CAMK1D: variants seen among roughly 807,000 people sequenced by gnomAD.
CAMK1D encodes calcium/calmodulin dependent protein kinase ID.
CAMK1D carries 9 observed loss-of-function variants against 47.7 expected under a neutral mutation model. The ratio of observed to expected loss-of-function variants is 0.19; its 90% CI spans 0.11 to 0.33. CAMK1D has a LOEUF of 0.33. CAMK1D is among the 10% of genes least tolerant of loss of function. The pLI is 1.00. For missense variants in CAMK1D, 291 were observed against 488.7 expected, an observed-to-expected ratio of 0.60 and a Z score of 3.81; for synonymous variants, 184 against 184.9, an observed-to-expected ratio of 0.99 and a Z score of 0.04.
chr10:12,473,148 A>G (rs941909968), intron 1 of CAMK1D, among the ~76,000 whole-genome samples: 1 of 152,182 alleles, frequency 6.6e-6, no homozygotes, highest in African/African-American at 2.4e-5. Context: ...CAGAAGCTGT[A>G]GGCACAGACA....
intron 2 of CAMK1D, among the ~76,000 whole-genome samples, chr10:12,655,112 T>C (rs1212513194): frequency 6.6e-6 from 1 of 151,574 alleles, no homozygotes; most frequent in African/African-American, 2.4e-5. Flanking sequence ...GGAAAAGAGG[T>C]TTAATTGGCT....
intron 3 of CAMK1D, among the ~76,000 whole-genome samples, chr10:12,757,234 A>G (rs1318644305): frequency 1.3e-5 from 2 of 152,082 alleles, no homozygotes; most frequent in Non-Finnish European, 2.9e-5. Flanking sequence ...CGGCCTCCCA[A>G]AGTGCTGGGA....
At chr10:12,698,674 T>TTTTTTG (rs1491230426) in intron 3 of CAMK1D, among the ~76,000 whole-genome samples, 4 of 5,892 alleles carry the variant, frequency 6.8e-4, no homozygotes, top group Non-Finnish European at 1.3e-3. Context: ...CTTTAAAGAA[T>TTTTTTG]TTTTTTTTTT....
intron 4 of CAMK1D, among the ~76,000 whole-genome samples, chr10:12,765,233 A>C (rs552330325): frequency 6.6e-6 from 1 of 152,330 alleles, no homozygotes; most frequent in African/African-American, 2.4e-5. Context: ...GAAGGATAGT[A>C]TTTATTCTTT....
At chr10:12,797,207 T>G (rs1037007892) in intron 6 of CAMK1D, among the ~76,000 whole-genome samples, 1 of 151,258 alleles carries the variant, frequency 6.6e-6, no homozygotes, top group Non-Finnish European at 1.5e-5. Context: ...TTTTTTTTTT[T>G]TTTTGTTTAG....
intron 3 of CAMK1D, among the ~76,000 whole-genome samples, chr10:12,699,612 G>C (rs1833431099): frequency 6.6e-6 from 1 of 150,984 alleles, no homozygotes; most frequent in Non-Finnish European, 1.5e-5. Flanking sequence ...TGCTTCTGCT[G>C]TTAATCATTA....
chr10:12,796,730 C>G lies in CAMK1D; in HGVS notation c.641+5497C>G, dbSNP rs372834342. Among the ~76,000 whole-genome samples, 190 of 152,228 alleles carry G rather than the reference C, an allele frequency of 1.2e-3. 3 individuals carry two copies. The highest frequency in any genetic ancestry group is 4.4e-3 in the African/African-American group (183 of 41,542). On this transcript the variant is annotated intron_variant, in intron 6 of 10. Coordinates refer to ENST00000619168, the MANE Select transcript of CAMK1D (RefSeq NM_153498.4). ...GTGGCCAGCGGGCAACAGTCGCCTG[C>G]TTATATTCATGAGCTTTGTGAGGTG...
intron 1 of CAMK1D, among the ~76,000 whole-genome samples, chr10:12,370,303 G>C (rs1228037163): frequency 4.0e-5 from 6 of 151,854 alleles, no homozygotes; most frequent in Admixed American, 6.6e-5. Context: ...ACAATTATGT[G>C]CAGCACCTAA....
chr10:12,603,377 G>A (rs978909920), intron 2 of CAMK1D, among the ~76,000 whole-genome samples: 2 of 151,982 alleles, frequency 1.3e-5, no homozygotes, highest in African/African-American at 4.8e-5. Context: ...GGTCAACCCC[G>A]CCTCCCACCC....
intron 1 of CAMK1D, among the ~76,000 whole-genome samples, chr10:12,529,490 T>C (rs1175585370): frequency 6.6e-6 from 1 of 152,182 alleles, no homozygotes; most frequent in Non-Finnish European, 1.5e-5. Context: ...TTCTGGCAAA[T>C]TGGGACAAAG....
chr10:12,665,598 A>T (rs1209636425), intron 2 of CAMK1D, among the ~76,000 whole-genome samples: 2 of 152,256 alleles, frequency 1.3e-5, no homozygotes, highest in African/African-American at 4.8e-5. Flanking sequence ...CATTTCAATG[A>T]GAGGCTTATG....
At chr10:12,593,801 A>G (rs1453205262) in intron 2 of CAMK1D, among the ~76,000 whole-genome samples, 1 of 152,050 alleles carries the variant, frequency 6.6e-6, no homozygotes, top group East Asian at 1.9e-4. Context: ...TGTCCTCCCA[A>G]GCTTGGGCCA....
At chr10:12,428,505 C>T (rs1389552604) in intron 1 of CAMK1D, among the ~76,000 whole-genome samples, 1 of 152,180 alleles carries the variant, frequency 6.6e-6, no homozygotes, top group African/African-American at 2.4e-5. Flanking sequence ...GTCTGAGACA[C>T]CACCTTCTCT....
chr10:12,368,140 C>T (rs575555317), intron 1 of CAMK1D, among the ~76,000 whole-genome samples: 4 of 149,862 alleles, frequency 2.7e-5, no homozygotes, highest in South Asian at 2.1e-4. Flanking sequence ...TGCAGTGAGC[C>T]GAGATTGCGC....
intron 1 of CAMK1D, among the ~76,000 whole-genome samples, chr10:12,450,619 T>C (rs1833055713): frequency 6.6e-6 from 1 of 152,244 alleles, no homozygotes; most frequent in Non-Finnish European, 1.5e-5. Flanking sequence ...ACTTGTGTAC[T>C]GGCCAGAGAG....
chr10:12,693,798 A>C, intron 3 of CAMK1D, among the ~76,000 whole-genome samples: 1 of 146,686 alleles, frequency 6.8e-6, no homozygotes, highest in Admixed American at 7.2e-5. Context: ...TCCTCGATTC[A>C]CTTGAGCTCA....
intron 2 of CAMK1D, among the ~76,000 whole-genome samples, chr10:12,600,773 C>T (rs1001203961): frequency 2.0e-5 from 3 of 152,214 alleles, no homozygotes; most frequent in African/African-American, 4.8e-5. Flanking sequence ...CCCTCATGCC[C>T]TCCCATTCTT....
At chr10:12,546,098 C>G (rs1381371417) in intron 1 of CAMK1D, among the ~76,000 whole-genome samples, 2 of 152,152 alleles carry the variant, frequency 1.3e-5, no homozygotes, top group Non-Finnish European at 2.9e-5. Context: ...TGAACTCGAT[C>G]CCATAGACAT....
At chr10:12,696,985 C>G (rs1833322880) in intron 3 of CAMK1D, among the ~76,000 whole-genome samples, 1 of 152,124 alleles carries the variant, frequency 6.6e-6, no homozygotes. Flanking sequence ...TTTGCTGTCA[C>G]ACTTGTACGA....
Sources: gnomAD v4.1 joint callset for allele counts (sites outside exome capture counted in the v4.1 genomes callset) on GRCh38, gnomAD v4.1.1 for gene constraint, MANE v1.5 for transcripts, NCBI Gene and HGNC (gene_info 2026-07-23, HGNC 2026-07-21) for gene names.